SYN3: variants seen among roughly 807,000 people sequenced by gnomAD.
SYN3 encodes the protein synapsin III, also known as synapsin-3.
A neutral mutation model predicts 65.8 loss-of-function variants in SYN3; 35 were observed. The ratio of observed to expected loss-of-function variants is 0.53; its 90% CI spans 0.41 to 0.70. The LOEUF is 0.70. Among genes scored for constraint, SYN3 ranks in the 30% least tolerant of loss-of-function variants. SYN3 has a pLI of 0.00. For missense variants in SYN3, 680 were observed against 749.0 expected, an observed-to-expected ratio of 0.91 and a Z score of 1.08; for synonymous variants, 270 against 292.9, an observed-to-expected ratio of 0.92 and a Z score of 0.80.
intron 6 of SYN3, among the ~76,000 whole-genome samples, chr22:32,600,895 C>T (rs1233835554): frequency 6.6e-6 from 1 of 152,142 alleles, no homozygotes; most frequent in Non-Finnish European, 1.5e-5. Context: ...CTATGTTGGC[C>T]AGGCTGGTCC....
chr22:32,891,711 G>A (rs1395878774), intron 4 of SYN3, among the ~76,000 whole-genome samples: 2 of 151,938 alleles, frequency 1.3e-5, no homozygotes, highest in African/African-American at 2.4e-5. Flanking sequence ...CTGTTTTCAG[G>A]GCCACGCACA....
intron 6 of SYN3, among the ~76,000 whole-genome samples, chr22:32,731,927 C>T (rs2061275526): frequency 6.6e-6 from 1 of 152,166 alleles, no homozygotes; most frequent in African/African-American, 2.4e-5. Flanking sequence ...CTCTGGGCCT[C>T]AGGTTTCTCA....
intron 2 of SYN3, among the ~76,000 whole-genome samples, chr22:32,986,004 C>T (rs1322026234): frequency 1.3e-5 from 2 of 152,034 alleles, no homozygotes; most frequent in Non-Finnish European, 2.9e-5. Flanking sequence ...TTCACGTTGT[C>T]ATTACACATC....
At chr22:32,850,406 A>G (rs1232858969) in intron 6 of SYN3, among the ~76,000 whole-genome samples, 1 of 151,994 alleles carries the variant, frequency 6.6e-6, no homozygotes, top group Non-Finnish European at 1.5e-5. Context: ...TGTTACTTGT[A>G]AGGAGGAGCG....
chr22:32,933,684 C>T (rs549885795), intron 3 of SYN3, among the ~76,000 whole-genome samples: 2 of 152,234 alleles, frequency 1.3e-5, no homozygotes, highest in South Asian at 2.1e-4. Flanking sequence ...GTGATCCGCC[C>T]GCCTCGGACT....
chr22:32,542,022 G>A (rs1232062386), intron 7 of SYN3, among the ~76,000 whole-genome samples: 3 of 152,162 alleles, frequency 2.0e-5, no homozygotes, highest in Admixed American at 6.5e-5. Context: ...AGAGATGCAC[G>A]AGGAACCCAC....
chr22:32,994,916 G>A (rs565088961), intron 2 of SYN3, among the ~76,000 whole-genome samples: 1 of 152,156 alleles, frequency 6.6e-6, no homozygotes, highest in African/African-American at 2.4e-5. Context: ...CCGTGTACCA[G>A]CTCCACCCAT....
intron 4 of SYN3, among the ~76,000 whole-genome samples, chr22:32,872,047 C>A (rs949116264): frequency 6.6e-6 from 1 of 152,132 alleles, no homozygotes; most frequent in Non-Finnish European, 1.5e-5. Context: ...GGTGCCTCGT[C>A]CTCAAAGCCA....
intron 6 of SYN3, among the ~76,000 whole-genome samples, chr22:32,734,513 GCAGA>G (rs6147593): frequency 2.6e-5 from 4 of 151,316 alleles, no homozygotes; most frequent in African/African-American, 7.3e-5. Context: ...AGGCAGGCAG[GCAGA>G]CAGACAGACA....
At chr22:32,744,256 G>A (rs2044860490) in intron 6 of SYN3, among the ~76,000 whole-genome samples, 1 of 152,168 alleles carries the variant, frequency 6.6e-6, no homozygotes, top group Non-Finnish European at 1.5e-5. Context: ...TTCAAAATGT[G>A]GAAATGGATG....
intron 1 of SYN3, among the ~76,000 whole-genome samples, chr22:33,019,885 G>A (rs1222967905): frequency 1.3e-5 from 2 of 152,174 alleles, no homozygotes; most frequent in Non-Finnish European, 2.9e-5. Flanking sequence ...GAGCCACCAC[G>A]CCCAGCCCCA....
At chr22:33,027,954 C>T (rs537136388) in intron 1 of SYN3, among the ~76,000 whole-genome samples, 11 of 152,250 alleles carry the variant, frequency 7.2e-5, no homozygotes, top group South Asian at 6.2e-4. Flanking sequence ...CAAATACAAA[C>T]GCTTATCAAC....
chr22:32,608,968 T>C (rs1235666529), intron 6 of SYN3, among the ~76,000 whole-genome samples: 1 of 152,224 alleles, frequency 6.6e-6, no homozygotes, highest in Non-Finnish European at 1.5e-5. Context: ...TTCTTCTTTT[T>C]TTTAAAGTTT....
At chr22:32,690,623 G>A (rs2060649830) in intron 6 of SYN3, among the ~76,000 whole-genome samples, 2 of 152,144 alleles carry the variant, frequency 1.3e-5, no homozygotes, top group Non-Finnish European at 1.5e-5. Context: ...ACTGTCCCCA[G>A]CATGTCAGGC....
chr22:32,667,976 A>G (rs970465348), intron 6 of SYN3, among the ~76,000 whole-genome samples: 4 of 151,722 alleles, frequency 2.6e-5, no homozygotes, highest in African/African-American at 9.7e-5. Flanking sequence ...TTGTATTTTT[A>G]GTAGAGACGG....
intron 2 of SYN3, among the ~76,000 whole-genome samples, chr22:32,992,044 T>C (rs2052730970): frequency 6.6e-6 from 1 of 152,148 alleles, no homozygotes; most frequent in African/African-American, 2.4e-5. Flanking sequence ...GACCCGTGCA[T>C]CCGAGGGACT....
Position 32,596,655 on chromosome 22 carries a change from G to A in SYN3, c.774+19C>T, listed in dbSNP as rs1166174873. 2 of 1,613,434 alleles carry A rather than the reference G, an allele frequency of 1.2e-6. No individual in the cohort carries two copies. Among genetic ancestry groups the A allele is most frequent in the East Asian group, 2.2e-5 (1 of 44,862 alleles). On this transcript the variant is annotated intron_variant, in intron 7 of 13. Transcript: ENST00000358763. ...TCTCTGGGTGTGTCCACTGTGAGTG[G>A]AAGGGCTGTTTCTCATACCTTTCCC...
chr22:32,641,788 A>C (rs2059904956), intron 6 of SYN3, among the ~76,000 whole-genome samples: 1 of 152,052 alleles, frequency 6.6e-6, no homozygotes. Flanking sequence ...ACTACACTTA[A>C]AGTGGGTAAA....
intron 4 of SYN3, among the ~76,000 whole-genome samples, chr22:32,871,847 T>C (rs2048857856): frequency 6.6e-6 from 1 of 152,116 alleles, no homozygotes; most frequent in Non-Finnish European, 1.5e-5. Flanking sequence ...AGGTTGGTCT[T>C]GAACCTCTGA....
Sources: gnomAD v4.1 joint callset for allele counts (sites outside exome capture counted in the v4.1 genomes callset) on GRCh38, gnomAD v4.1.1 for gene constraint, MANE v1.5 for transcripts, NCBI Gene and HGNC (gene_info 2026-07-23, HGNC 2026-07-21) for gene names.